The following CNTN5 variants were observed in gnomAD, a reference collection of about 807,000 sequenced individuals.
CNTN5 encodes contactin 5.
In CNTN5, 77 loss-of-function variants were observed where a neutral mutation model predicts 129.1. The ratio of observed to expected loss-of-function variants is 0.60; its 90% CI spans 0.50 to 0.72. The LOEUF (loss-of-function observed/expected upper bound fraction) is 0.72. Ranked by LOEUF, CNTN5 falls within the 30% of genes least tolerant of loss-of-function variation. CNTN5 has a pLI of 0.00. For synonymous variants in CNTN5, 509 were observed against 465.6 expected (o/e 1.09, Z -1.20); for missense variants, 1,478 against 1,328.8 (o/e 1.11, Z -1.75).
chr11:99,980,481 G>C (rs577691638), intron 8 of CNTN5, among the ~76,000 whole-genome samples: 1 of 152,058 alleles, frequency 6.6e-6, no homozygotes, highest in African/African-American at 2.4e-5. Context: ...ACTTACTGTG[G>C]GTACAGCCCT....
At chr11:99,069,411 T>C (rs1289879397) in intron 1 of CNTN5, among the ~76,000 whole-genome samples, 1 of 152,124 alleles carries the variant, frequency 6.6e-6, no homozygotes, top group Non-Finnish European at 1.5e-5. Context: ...AAATATACCC[T>C]GCTTCAATTT....
intron 13 of CNTN5, among the ~76,000 whole-genome samples, chr11:100,113,073 T>C (rs1418343784): frequency 6.6e-6 from 1 of 151,792 alleles, no homozygotes; most frequent in Middle Eastern, 3.2e-3. Context: ...TGTTTGAGTC[T>C]TTCATTATGG....
intron 6 of CNTN5, among the ~76,000 whole-genome samples, chr11:99,859,886 A>AATGGTAAT (rs1392031507): frequency 2.0e-5 from 3 of 152,172 alleles, no homozygotes; most frequent in African/African-American, 7.2e-5. Context: ...TGCTGGGTAG[A>AATGGTAAT]ATGGTAATTC....
In CNTN5 at chr11:99,280,671, A is replaced by G. The variant is rs1255235358; in HGVS notation, c.-209-44675A>G. 4.0e-5 allele frequency among the ~76,000 whole-genome samples: 6 copies of G among 151,798 alleles called. No individual in the cohort carries two copies. In the Admixed American group the frequency reaches 4.0e-4, roughly 10 times the overall value. On this transcript the variant is annotated intron_variant, in intron 1 of 24. Transcript: ENST00000524871. ...TCTGTTTTATACAGTATACAGTATT[A>G]TTTATGCTCTCTGGAGGAATGTATT...
At chr11:99,620,231 G>A (rs1160763412) in intron 3 of CNTN5, among the ~76,000 whole-genome samples, 1 of 152,006 alleles carries the variant, frequency 6.6e-6, no homozygotes, top group Admixed American at 6.5e-5. Context: ...TCAAGGCTGA[G>A]TATAATTATT....
chr11:99,277,743 G>T (rs1490560659), intron 1 of CNTN5, among the ~76,000 whole-genome samples: 1 of 151,488 alleles, frequency 6.6e-6, no homozygotes, highest in Non-Finnish European at 1.5e-5. Flanking sequence ...TTAAATATAG[G>T]TTCCTGAAAA....
intron 3 of CNTN5, among the ~76,000 whole-genome samples, chr11:99,693,703 A>G (rs1171135416): frequency 2.0e-5 from 3 of 152,162 alleles, no homozygotes; most frequent in African/African-American, 7.2e-5. Context: ...AGAAATACCA[A>G]TATGTCAGTG....
chr11:99,469,021 A>G (rs1381467664), intron 2 of CNTN5, among the ~76,000 whole-genome samples: 5 of 152,106 alleles, frequency 3.3e-5, no homozygotes, highest in African/African-American at 1.2e-4. Context: ...CATTAATTCC[A>G]TGCTATTTAC....
intron 2 of CNTN5, among the ~76,000 whole-genome samples, chr11:99,485,361 T>A (rs535654730): frequency 1.1e-3 from 171 of 152,144 alleles, no homozygotes; most frequent in Admixed American, 7.8e-4. Context: ...GGTAACTATG[T>A]GTCATTATAT....
intron 16 of CNTN5, among the ~76,000 whole-genome samples, chr11:100,234,391 A>G (rs888027210): frequency 2.6e-5 from 4 of 152,156 alleles, no homozygotes; most frequent in African/African-American, 9.7e-5. Flanking sequence ...CTTGGAACCA[A>G]CCCAAATGCC....
At chr11:99,402,051 G>A (rs553442077) in intron 2 of CNTN5, among the ~76,000 whole-genome samples, 4 of 152,102 alleles carry the variant, frequency 2.6e-5, no homozygotes, top group African/African-American at 7.2e-5. Context: ...AAATTTGGAC[G>A]CACTTTATAT....
At chr11:100,187,036 T>A (rs567533245) in intron 13 of CNTN5, among the ~76,000 whole-genome samples, 3 of 152,310 alleles carry the variant, frequency 2.0e-5, no homozygotes, top group East Asian at 3.9e-4. Flanking sequence ...TTGTGGAATT[T>A]TTTTTCCATT....
chr11:99,749,615 T>C (rs371787155), intron 3 of CNTN5, among the ~76,000 whole-genome samples: 6 of 152,212 alleles, frequency 3.9e-5, no homozygotes, highest in Non-Finnish European at 8.8e-5. Flanking sequence ...TCTAGTTGTT[T>C]TCAAAATCCA....
chr11:99,285,263 A>G (rs1013716731), intron 1 of CNTN5, among the ~76,000 whole-genome samples: 1 of 152,098 alleles, frequency 6.6e-6, no homozygotes, highest in Non-Finnish European at 1.5e-5. Flanking sequence ...TTGGAATTAA[A>G]ACCTGCCAAT....
chr11:99,069,427 C>T (rs1166865493), intron 1 of CNTN5, among the ~76,000 whole-genome samples: 6 of 152,002 alleles, frequency 3.9e-5, no homozygotes, highest in Non-Finnish European at 8.8e-5. Flanking sequence ...AATTTTTCCT[C>T]GAAGTTGCCA....
At chr11:100,350,681 A>G (rs1273301995) in intron 23 of CNTN5, 21 bp from the exon 24 acceptor site, 1 of 1,586,052 alleles carries the variant, frequency 6.3e-7, no homozygotes, top group Non-Finnish European at 8.6e-7. Flanking sequence ...TCAAATGTCT[A>G]AACCTTGTTA....
chr11:99,829,718 T>C (rs1431925471), intron 4 of CNTN5, among the ~76,000 whole-genome samples: 1 of 152,220 alleles, frequency 6.6e-6, no homozygotes, highest in Admixed American at 6.5e-5. Flanking sequence ...GAGTTGTTAA[T>C]AATTACTCTA....
chr11:100,151,587 C>T (rs1947059981), intron 13 of CNTN5, among the ~76,000 whole-genome samples: 1 of 152,100 alleles, frequency 6.6e-6, no homozygotes, highest in South Asian at 2.1e-4. Context: ...TTATAGGTTT[C>T]CCTACGTTAA....
chr11:99,424,623 C>T (rs976281807), intron 2 of CNTN5, among the ~76,000 whole-genome samples: 7 of 152,252 alleles, frequency 4.6e-5, no homozygotes, highest in Admixed American at 2.0e-4. Flanking sequence ...CACTGGGGAA[C>T]ATGGTGGTGC....
Sources: gnomAD v4.1 joint callset for allele counts (sites outside exome capture counted in the v4.1 genomes callset) on GRCh38, gnomAD v4.1.1 for gene constraint, MANE v1.5 for transcripts, NCBI Gene and HGNC (gene_info 2026-07-23, HGNC 2026-07-21) for gene names.